The following HAPLN3 variants were observed in gnomAD, a reference collection of about 807,000 sequenced individuals.
The protein encoded by HAPLN3 is extracellular link domain containing, 1.
Under a neutral mutation model 28.1 loss-of-function variants are expected in HAPLN3, and 28 were observed. That is an observed-to-expected ratio of 1.00 (90% confidence interval 0.74 to 1.37). The LOEUF is 1.37. Among genes scored for constraint, HAPLN3 ranks in the 40% most tolerant of loss-of-function variants. HAPLN3 has a pLI of 0.00. For synonymous variants in HAPLN3, 211 were observed against 213.1 expected (o/e 0.99, Z 0.09); for missense variants, 513 against 504.6 (o/e 1.02, Z -0.16).
Position 88,879,692 on chromosome 15 carries a change from A to G in HAPLN3, c.494-423T>C. The G allele has an allele frequency of 1.0e-5, 12 of 1,179,748 alleles. No individual in the cohort carries two copies. The highest frequency in any genetic ancestry group is 1.6e-5 in the African/African-American group (1 of 62,538). 73.1% of individuals were successfully genotyped at this position (1,179,748 alleles called of 1,614,324 possible). A position where few individuals can be genotyped will look rare whatever the true frequency, so the allele number is the denominator to read the frequency against. On this transcript the variant is annotated intron_variant, in intron 3 of 4. Transcript: ENST00000359595. The surrounding 1 kb of genome is among the most constrained non-coding windows in gnomAD (Gnocchi z 5.0). ...GTTATTATGAATGTGGAAATTTCCT[A>G]GGAAAATGCAAGGAACTTTCCACGT...
At chr15:88,890,452 C>T (rs1567206705) in intron 1 of HAPLN3, among the ~76,000 whole-genome samples, 2 of 152,134 alleles carry the variant, frequency 1.3e-5, no homozygotes, top group Non-Finnish European at 2.9e-5. Flanking sequence ...TTATTCACTG[C>T]GAGATTCTGG....
Position 88,890,144 on chromosome 15 carries a change from G to T in HAPLN3, c.-47-2799C>A, listed in dbSNP as rs558313856. The stretch of plus-strand genomic sequence containing the variant: ...TGTGGAGGAAACATTCTTGTTTCCA[G>T]AACAGTTAGGAGCTCTTGCTGGAGA... On this transcript the variant is annotated intron_variant, in intron 1 of 4. Transcript: ENST00000359595. Among the ~76,000 whole-genome samples the T allele has an allele frequency of 2.3e-3, 348 of 152,290 alleles. 1 individual carries two copies. The highest frequency in any genetic ancestry group is 7.9e-3 in the African/African-American group (330 of 41,566).
At position 88,891,529 on chromosome 15, in the gene HAPLN3, C is replaced by T. The variant is rs376198456; in HGVS notation, c.-48+3930G>A. 3.3e-5 allele frequency among the ~76,000 whole-genome samples: 5 copies of T among 152,160 alleles called. No individual in the cohort carries two copies. In the East Asian group the frequency reaches 9.7e-4, roughly 29 times the overall value. ...CCCAGGCTGGTCTCAAACTCCTGGGCTTAATTGTTCTGCCCGCCTCCGCCT... is the reference window on the plus strand; with the variant it reads ...CCCAGGCTGGTCTCAAACTCCTGGGTTTAATTGTTCTGCCCGCCTCCGCCT... On this transcript the variant is annotated intron_variant, in intron 1 of 4. Transcript: ENST00000359595.
chr15:88,885,430 C>A (rs942744669), intron 2 of HAPLN3, among the ~76,000 whole-genome samples: 2 of 151,558 alleles, frequency 1.3e-5, no homozygotes, highest in African/African-American at 4.9e-5. Flanking sequence ...TGCACGCCAC[C>A]ACACCCGGCT....
Position 88,878,067 on chromosome 15 carries a change from T to C in HAPLN3, c.986A>G (p.His329Arg), listed in dbSNP as rs1897580556. 1 of 1,613,872 alleles carries C rather than the reference T, an allele frequency of 6.2e-7. No individual in the cohort carries two copies. The highest frequency in any genetic ancestry group is 8.5e-7 in the Non-Finnish European group (1 of 1,179,982). Residue 329 changes from histidine to arginine, a missense_variant, in exon 5 of 5, where the codon CAT (histidine) becomes CGT (arginine). Transcript: ENST00000359595. ...AGGCTCTGGGGGCCCACAGTTAGGA[T>C]GCGGGTGAACCACAGGGTAGCGGAC... ...GSVRYPVVHP[H>R]PNCGPPEPGV...
chr15:88,883,252 G>C (rs1897755770), intron 2 of HAPLN3, among the ~76,000 whole-genome samples: 1 of 152,230 alleles, frequency 6.6e-6, no homozygotes, highest in Admixed American at 6.5e-5. Context: ...GAGACTCTGG[G>C]AATGGGGTCC....
At chr15:88,892,970 T>G in intron 1 of HAPLN3, 1 of 1,535,790 alleles carries the variant, frequency 6.5e-7, no homozygotes. Context: ...TCCAGCCCAG[T>G]CACCTTGGCA....
At position 88,879,357 on chromosome 15, in the gene HAPLN3, T is replaced by C. The variant is rs957033401; in HGVS notation, c.494-88A>G. 41 of 1,583,080 alleles carry C rather than the reference T, an allele frequency of 2.6e-5. No homozygotes were observed. The African/African-American group carries it at 5.2e-4, about 20-fold the overall frequency. On this transcript the variant is annotated intron_variant, in intron 3 of 4. Coordinates refer to ENST00000359595, the MANE Select transcript of HAPLN3 (RefSeq NM_178232.4). This position sits in a 1 kb window ranked among gnomAD's most constrained non-coding sequence, Gnocchi z 5.0. ...CTCTCCTCCCACCTTCACTGGGACA[T>C]GTGCTGCCTGCAACACACACACATA...
At chr15:88,891,294 T>C (rs1898006138) in intron 1 of HAPLN3, among the ~76,000 whole-genome samples, 1 of 151,848 alleles carries the variant, frequency 6.6e-6, no homozygotes, top group South Asian at 2.1e-4. Context: ...CTCTCATTTA[T>C]TTTATTTTTG....
Position 88,888,801 on chromosome 15 carries a change from C to T in HAPLN3, c.-47-1456G>A, listed in dbSNP as rs1406348604. On this transcript the variant is annotated intron_variant, in intron 1 of 4. Coordinates refer to ENST00000359595, the MANE Select transcript of HAPLN3 (RefSeq NM_178232.4). The surrounding 1 kb of genome is among the most constrained non-coding windows in gnomAD (Gnocchi z 4.1). ...ATGAGACTGAAGATGCAGGAGTTTG[C>T]CAGGTGGAGAAGGACTGACAGGTTT... Among the ~76,000 whole-genome samples the T allele has an allele frequency of 6.6e-6, 1 of 152,130 alleles. No individual in the cohort carries two copies. The highest frequency in any genetic ancestry group is 1.5e-5 in the Non-Finnish European group (1 of 68,016).
chr15:88,878,527 C>T (rs181544830), intron 4 of HAPLN3, among the ~76,000 whole-genome samples: 10 of 152,348 alleles, frequency 6.6e-5, no homozygotes, highest in Admixed American at 6.5e-4. Context: ...CTGGACCAGT[C>T]AGAGTCTCTT....
rs928523182 is a variant in HAPLN3 at position 88,879,218 on chromosome 15, T to C, written c.545A>G (p.His182Arg). 6.2e-7 allele frequency: 1 copy of C among 1,611,720 alleles called. No homozygotes were observed. Residue 182 changes from histidine (H) to arginine (R), a missense_variant, in exon 4 of 5, where the codon CAC becomes CGC. Transcript: ENST00000359595. This position sits in a 1 kb window ranked among gnomAD's most constrained non-coding sequence, Gnocchi z 5.0. Reference sequence around the variant, plus strand: ...CTCTGCACAGACCTGCTGGCCCTCGTGGAAGTTGAACTGGTAGCGCCCGTT... The same window carrying C: ...CTCTGCACAGACCTGCTGGCCCTCGCGGAAGTTGAACTGGTAGCGCCCGTT... ...SPNGRYQFNF[H>R]EGQQVCAEQA...
rs991054009 is a variant in HAPLN3 at position 88,888,373 on chromosome 15, A to G, written c.-47-1028T>C. On this transcript the variant is annotated intron_variant, in intron 1 of 4. Transcript: ENST00000359595. This position sits in a 1 kb window ranked among gnomAD's most constrained non-coding sequence, Gnocchi z 4.1. ...CCCAAAGTGCTGAGATTACAGGCAT[A>G]AGCCACTGCGCCCAACTCAAAAATA... is the stretch of plus-strand genomic sequence containing the variant. 6.6e-5 allele frequency among the ~76,000 whole-genome samples: 10 copies of G among 152,102 alleles called. No individual in the cohort carries two copies. The highest frequency in any genetic ancestry group is 1.5e-4 in the Non-Finnish European group (10 of 68,010).
Position 88,881,423 on chromosome 15 carries a change from GC to G in HAPLN3, c.426del (p.Arg143ValfsTer135). On this transcript the variant is annotated frameshift_variant, in exon 3 of 5. Coordinates refer to ENST00000359595, the MANE Select transcript of HAPLN3 (RefSeq NM_178232.4). LOFTEE classifies it high-confidence loss of function. The surrounding 1 kb of genome is among the most constrained non-coding windows in gnomAD (Gnocchi z 6.0). ...EIQDLRLEDY[G>X]RYRCEVIDGL... is the part of the protein sequence containing the mutation. ...CCGTCAATGACCTCACAGCGGTAAC[GC>G]CCATAGTCCTCCAGCCGCAGATCCT... 6.2e-7 allele frequency: 1 copy of G among 1,613,928 alleles called. No individual in the cohort carries two copies. The highest frequency in any genetic ancestry group is 1.1e-5 in the South Asian group (1 of 91,082).
rs528125157 is a variant in HAPLN3 at position 88,879,318 on chromosome 15, G to A, written c.494-49C>T. ...TTAGGGGGTGGCCAGGGGCCCAGCT[G>A]GCTGGACACCCCGCTCTCCTCCCAC... On this transcript the variant is annotated intron_variant, in intron 3 of 4. Transcript: ENST00000359595. The surrounding 1 kb of genome is among the most constrained non-coding windows in gnomAD (Gnocchi z 5.0). 6.2e-7 allele frequency: 1 copy of A among 1,600,490 alleles called. No homozygotes were observed. Among genetic ancestry groups the A allele is most frequent in the East Asian group, 2.2e-5 (1 of 44,792 alleles).
Position 88,888,249 on chromosome 15 carries a change from G to A in HAPLN3, c.-47-904C>T, listed in dbSNP as rs1897920686. Among the ~76,000 whole-genome samples the A allele has an allele frequency of 6.6e-6, 1 of 151,780 alleles. No individual in the cohort carries two copies. Among genetic ancestry groups the A allele is most frequent in the Admixed American group, 6.6e-5 (1 of 15,212 alleles). ...TGGGACTACAGGTGCGTGCCACCAA[G>A]CTCAGCTAATTTTTTGTAATTTTAG... On this transcript the variant is annotated intron_variant, in intron 1 of 4. Coordinates refer to ENST00000359595, the MANE Select transcript of HAPLN3 (RefSeq NM_178232.4). The surrounding 1 kb of genome is among the most constrained non-coding windows in gnomAD (Gnocchi z 4.1).
chr15:88,894,408 C>A (rs543169322), intron 1 of HAPLN3, among the ~76,000 whole-genome samples: 1 of 152,290 alleles, frequency 6.6e-6, no homozygotes, highest in East Asian at 1.9e-4. Flanking sequence ...CATGTCCGCA[C>A]TGGGCCTTCC....
In HAPLN3 at chr15:88,879,368, C is replaced by T; in HGVS notation, c.494-99G>A. On this transcript the variant is annotated intron_variant, in intron 3 of 4. Transcript: ENST00000359595. The surrounding 1 kb of genome is among the most constrained non-coding windows in gnomAD (Gnocchi z 5.0). Reference sequence around the variant, plus strand: ...CCTTCACTGGGACATGTGCTGCCTGCAACACACACACATACACCATCCCTC... The same window carrying T: ...CCTTCACTGGGACATGTGCTGCCTGTAACACACACACATACACCATCCCTC... 1 of 1,572,710 alleles carries T rather than the reference C, an allele frequency of 6.4e-7. No individual in the cohort carries two copies. Among genetic ancestry groups the T allele is most frequent in the Non-Finnish European group, 8.6e-7 (1 of 1,167,816 alleles).
In HAPLN3 at chr15:88,895,516, C is replaced by T. The variant is rs1898136311; in HGVS notation, c.-105G>A. On this transcript the variant is annotated 5_prime_UTR_variant, in exon 1 of 5. Transcript: ENST00000359595. The surrounding 1 kb of genome is among the most constrained non-coding windows in gnomAD (Gnocchi z 5.5). ...CTCGGGGGCCGCGAGCTGTCCCGGT[C>T]CAAGGCAGCAGTCTGATTTCGGGGA... The T allele has an allele frequency of 6.6e-6, 1 of 152,348 alleles. No homozygotes were observed. The highest frequency in any genetic ancestry group is 2.4e-5 in the African/African-American group (1 of 41,432). 9.4% of individuals were successfully genotyped at this position (152,348 alleles called of 1,614,324 possible).
Sources: allele counts gnomAD v4.1 joint callset (sites outside exome capture counted in the v4.1 genomes callset), GRCh38; gene constraint gnomAD v4.1.1; non-coding constraint Gnocchi (gnomAD v3.1); transcripts MANE v1.5; gene names NCBI Gene and HGNC (gene_info 2026-07-23, HGNC 2026-07-21).